HYKK: variants seen among roughly 807,000 people sequenced by gnomAD.
The protein encoded by HYKK is 5-hydroxy-L-lysine kinase.
HYKK carries 19 observed loss-of-function variants against 29.7 expected under a neutral mutation model. The observed-to-expected ratio is 0.64, with a 90% confidence interval of 0.45 to 0.94. The LOEUF is 0.94. Among genes scored for constraint, HYKK ranks in the 40% least tolerant of loss-of-function variants. HYKK has a pLI of 0.00. For synonymous variants in HYKK, 152 were observed against 158.1 expected, an observed-to-expected ratio of 0.96 and a Z score of 0.29; for missense variants, 390 against 443.4, an observed-to-expected ratio of 0.88 and a Z score of 1.08.
In HYKK at chr15:78,536,584, A is replaced by G. The variant is rs888534865; in HGVS notation, c.*2914A>G. On this transcript the variant is annotated 3_prime_UTR_variant, in exon 5 of 5. Transcript: ENST00000388988. ...TGGATTTCCTTTCACTCAATTCCTA[A>G]TGCAAATATTGCTGACCACTGTTTA... The G allele has an allele frequency of 1.3e-5, 2 of 152,210 alleles. No homozygotes were observed. The highest frequency in any genetic ancestry group is 4.8e-5 in the African/African-American group (2 of 41,446). 9.4% of individuals were successfully genotyped at this position (152,210 alleles called of 1,614,324 possible).
At chr15:78,517,109 C>CTT (rs34680285) in intron 3 of HYKK, among the ~76,000 whole-genome samples, 108 of 108,440 alleles carry the variant, frequency 1.0e-3, no homozygotes, top group Middle Eastern at 0.011. Context: ...TTCTTTCTTT[C>CTT]TTTTTTTTTT....
intron 3 of HYKK, among the ~76,000 whole-genome samples, chr15:78,516,765 AT>A (rs1211969879): frequency 6.8e-6 from 1 of 146,556 alleles, no homozygotes; most frequent in Non-Finnish European, 1.5e-5. Flanking sequence ...CACGCCTATA[AT>A]TCCTGCATTT....
chr15:78,528,541 G>A (rs1342706968), intron 4 of HYKK: 26 of 982,254 alleles, frequency 2.6e-5, no homozygotes, highest in East Asian at 2.3e-4. Context: ...GGTGGCTCCC[G>A]CCTGTAATCC....
Position 78,509,414 on chromosome 15 carries a change from T to G in HYKK, c.-6+1743T>G, listed in dbSNP as rs16969914. Among the ~76,000 whole-genome samples the G allele has an allele frequency of 8.5e-3, 1,298 of 152,310 alleles. 117 individuals carry two copies. The East Asian group carries it at 0.22, about 26-fold the overall frequency. On this transcript the variant is annotated intron_variant, in intron 1 of 4. Transcript: ENST00000388988. Reference sequence around the variant, plus strand: ...TTTGGATGGCCAGAGCTAACAACCTTGCTTTACATGGCTATGGAAAACAGC... The same window carrying G: ...TTTGGATGGCCAGAGCTAACAACCTGGCTTTACATGGCTATGGAAAACAGC...
intron 3 of HYKK, chr15:78,518,540 A>C (rs1305480141): frequency 6.6e-6 from 3 of 453,978 alleles, no homozygotes; most frequent in Non-Finnish European, 8.9e-6. Context: ...ATAACTTGAA[A>C]ACCAGTGTTT....
In HYKK at chr15:78,534,660, C is replaced by T. The variant is rs2052345778; in HGVS notation, c.*990C>T. On this transcript the variant is annotated 3_prime_UTR_variant, in exon 5 of 5. Transcript: ENST00000388988. ...TAGAAGAAGGGATGGAGAAGGCACA[C>T]ACTAAGATGCTTTAGGAGAAAGCAT... is the stretch of plus-strand genomic sequence containing the variant. 1 of 152,064 alleles carries T rather than the reference C, an allele frequency of 6.6e-6. No individual in the cohort carries two copies. The highest frequency in any genetic ancestry group is 6.5e-5 in the Admixed American group (1 of 15,268). 9.4% of individuals were successfully genotyped at this position (152,064 alleles called of 1,614,324 possible).
At chr15:78,513,568 C>T in intron 2 of HYKK, 143 bp downstream of exon 2, 1 of 642,272 alleles carries the variant, frequency 1.6e-6, no homozygotes, top group Non-Finnish European at 2.7e-6. Flanking sequence ...AATAGTACAC[C>T]CTTAGAGGTG....
chr15:78,511,311 A>G (rs769529636), intron 1 of HYKK, among the ~76,000 whole-genome samples: 1 of 152,326 alleles, frequency 6.6e-6, no homozygotes, highest in Admixed American at 6.5e-5. Context: ...GAAGACCTAC[A>G]TTGTCTTTCA....
intron 4 of HYKK, among the ~76,000 whole-genome samples, chr15:78,531,210 G>A (rs766255933): frequency 4.6e-5 from 7 of 152,056 alleles, no homozygotes; most frequent in Non-Finnish European, 1.0e-4. Flanking sequence ...ATGTCTAGTG[G>A]CTACCATATT....
chr15:78,512,411 T>C (rs1434511108), intron 1 of HYKK, among the ~76,000 whole-genome samples: 1 of 146,240 alleles, frequency 6.8e-6, no homozygotes, highest in Non-Finnish European at 1.5e-5. Flanking sequence ...TTTTTTTTTT[T>C]TTTTTTTTGA....
intron 4 of HYKK, among the ~76,000 whole-genome samples, chr15:78,531,671 A>G (rs1257868109): frequency 1.3e-5 from 2 of 152,126 alleles, no homozygotes; most frequent in African/African-American, 4.8e-5. Context: ...AGCTGGGACT[A>G]CAGGTGCCCA....
intron 1 of HYKK, among the ~76,000 whole-genome samples, chr15:78,511,648 G>A (rs1459323975): frequency 2.0e-5 from 3 of 152,022 alleles, no homozygotes; most frequent in Admixed American, 6.6e-5. Flanking sequence ...CATTGAGCCT[G>A]GTGGTTGAGG....
chr15:78,537,259 T>C, downstream of HYKK: 1 of 625,720 alleles, frequency 1.6e-6, no homozygotes, highest in Non-Finnish European at 3.0e-6. Flanking sequence ...AAGACCCTAA[T>C]ATAATACATA....
chr15:78,536,331 A>T lies in HYKK; in HGVS notation c.*2661A>T, dbSNP rs900485159. The T allele has an allele frequency of 2.0e-5, 3 of 146,380 alleles. 1 individual carries two copies. Among genetic ancestry groups the T allele is most frequent in the Non-Finnish European group, 4.5e-5 (3 of 66,164 alleles). 9.1% of individuals were successfully genotyped at this position (146,380 alleles called of 1,614,324 possible). A position where few individuals can be genotyped will look rare whatever the true frequency, so the allele number is the denominator to read the frequency against. On this transcript the variant is annotated 3_prime_UTR_variant, in exon 5 of 5. Coordinates refer to ENST00000388988, the MANE Select transcript of HYKK (RefSeq NM_001013619.4). ...CACACACACACACACACACACACAC[A>T]TGCACACTCACTCACACACACTAGG...
intron 3 of HYKK, among the ~76,000 whole-genome samples, 183 bp from the exon 4 acceptor site, chr15:78,527,197 A>G (rs1270307281): frequency 5.9e-5 from 9 of 151,694 alleles, no homozygotes; most frequent in Admixed American, 5.9e-4. Context: ...GAGGCAGAAG[A>G]ATCGCTTGAA....
Position 78,510,076 on chromosome 15 carries a change from TTTTC to T in HYKK, c.-6+2417_-6+2420del, listed in dbSNP as rs943010776. ...CTCCCTTATTTTCTCTTCTCTTTTT[TTTTC>T]TTTCTTTCTTTTCTTTCTTTCTCTC... On this transcript the variant is annotated intron_variant, in intron 1 of 4. Coordinates refer to ENST00000388988, the MANE Select transcript of HYKK (RefSeq NM_001013619.4). Among the ~76,000 whole-genome samples, 131 of 152,044 alleles carry T rather than the reference TTTTC, an allele frequency of 8.6e-4. 1 individual carries two copies. Among genetic ancestry groups the T allele is most frequent in the African/African-American group, 2.8e-3 (116 of 41,482 alleles).
In HYKK at chr15:78,535,121, A is replaced by G. The variant is rs1308763654; in HGVS notation, c.*1451A>G. 2 of 152,048 alleles carry G rather than the reference A, an allele frequency of 1.3e-5. No individual in the cohort carries two copies. Among genetic ancestry groups the G allele is most frequent in the Non-Finnish European group, 2.9e-5 (2 of 68,010 alleles). The allele number at this position is 152,048 out of a possible 1,614,324, so 9.4% of individuals were successfully genotyped here. ...AGAACCCTGGCCATTCAAATACTCAATAGTTATCTTTCTATATATATGAAC... is the reference window on the plus strand; with the variant it reads ...AGAACCCTGGCCATTCAAATACTCAGTAGTTATCTTTCTATATATATGAAC... On this transcript the variant is annotated 3_prime_UTR_variant, in exon 5 of 5. Coordinates refer to ENST00000388988, the MANE Select transcript of HYKK (RefSeq NM_001013619.4).
At chr15:78,516,347 T>C (rs1433248169) in intron 3 of HYKK, among the ~76,000 whole-genome samples, 5 of 147,748 alleles carry the variant, frequency 3.4e-5, no homozygotes, top group Non-Finnish European at 7.5e-5. Flanking sequence ...GTTGGTCTTT[T>C]TTTTTTTTTT....
At chr15:78,521,243 C>A (rs1025718071) in intron 3 of HYKK, among the ~76,000 whole-genome samples, 1 of 151,966 alleles carries the variant, frequency 6.6e-6, no homozygotes, top group East Asian at 1.9e-4. Context: ...AAGGGACCAA[C>A]TAGTACTGGA....
Sources: gnomAD v4.1 joint callset for allele counts (sites outside exome capture counted in the v4.1 genomes callset) on GRCh38, gnomAD v4.1.1 for gene constraint, MANE v1.5 for transcripts, NCBI Gene and HGNC (gene_info 2026-07-23, HGNC 2026-07-21) for gene names.